MYH11: variants seen among roughly 807,000 people sequenced by gnomAD.
MYH11 encodes myosin heavy chain 11.
MYH11 carries 80 observed loss-of-function variants against 246.6 expected under a neutral mutation model. That is an observed-to-expected ratio of 0.32 (90% CI 0.27 to 0.39). The LOEUF is 0.39. Among genes scored for constraint, MYH11 ranks in the 10% least tolerant of loss-of-function variants. The pLI, the probability that MYH11 is intolerant of heterozygous loss-of-function variation, is 1.00. For missense variants in MYH11, 2,158 were observed against 2,546.8 expected, an observed-to-expected ratio of 0.85 and a Z score of 3.29; for synonymous variants, 1,071 against 1,015.5, an observed-to-expected ratio of 1.05 and a Z score of -1.04.
intron 3 of MYH11, among the ~76,000 whole-genome samples, chr16:15,820,489 AAAAGAAAG>A (rs1395123947): frequency 1.4e-4 from 20 of 144,190 alleles, no homozygotes; most frequent in African/African-American, 4.8e-4. Flanking sequence ...AAAAAAAAAA[AAAAGAAAG>A]AAAGAAAGAC....
chr16:15,810,035 G>C (rs2043102720), intron 3 of MYH11, among the ~76,000 whole-genome samples: 1 of 151,618 alleles, frequency 6.6e-6, no homozygotes, highest in Admixed American at 6.6e-5. Context: ...TTTTGTTTTT[G>C]TTTTTGTTTT....
At chr16:15,726,545 A>C in intron 28 of MYH11, 1 of 461,990 alleles carries the variant, frequency 2.2e-6, no homozygotes, top group Non-Finnish European at 4.0e-6. Flanking sequence ...TAATTTTTGT[A>C]TTTTTAGTAG....
chr16:15,851,870 G>A (rs1459910923), intron 1 of MYH11, among the ~76,000 whole-genome samples: 1 of 152,126 alleles, frequency 6.6e-6, no homozygotes, highest in East Asian at 1.9e-4. Flanking sequence ...CTGGAAGCGA[G>A]CAAGAACTGA....
At chr16:15,849,818 C>G (rs937974715) in intron 1 of MYH11, among the ~76,000 whole-genome samples, 1 of 152,130 alleles carries the variant, frequency 6.6e-6, no homozygotes, top group East Asian at 1.9e-4. Flanking sequence ...TGTCAAGTAA[C>G]GAGTCTCAGC....
intron 38 of MYH11, 86 bp from the exon 39 acceptor site, chr16:15,715,358 T>G: frequency 7.8e-7 from 1 of 1,288,926 alleles, no homozygotes; most frequent in Non-Finnish European, 1.1e-6. Context: ...GCATCTTGAG[T>G]GCTTTCCTGA....
chr16:15,745,867 A>G (rs926098982), intron 19 of MYH11, among the ~76,000 whole-genome samples: 4 of 150,906 alleles, frequency 2.7e-5, no homozygotes, highest in Non-Finnish European at 5.9e-5. Flanking sequence ...GATTACAGGT[A>G]GGAGCCACCA....
At position 15,719,284 on chromosome 16, in the gene MYH11, G is replaced by T; in HGVS notation, c.5107C>A (p.Arg1703Ser). ...QEDLAAAERARKQADLEKEEL... is the reference protein window; with the variant it reads ...QEDLAAAERASKQADLEKEEL... ...TCCTTCTCGAGGTCCGCTTGTTTGC[G>T]AGCCCTCTCAGCGGCGGCGAGGTCC... The change falls in exon 36 of 41, where the codon CGC (arginine) becomes AGC (serine). Residue 1703 changes from arginine (R) to serine (S), a missense_variant. Physicochemically the swap from Arg to Ser is moderately radical, Grantham distance 110. This residue lies in a region of MYH11 where 1,013 missense variants were observed against 993.5 expected (regional missense o/e 1.02). Coordinates refer to ENST00000300036, the MANE Select transcript of MYH11 (RefSeq NM_002474.3). The T allele has an allele frequency of 6.2e-7, 1 of 1,612,536 alleles. No individual in the cohort carries two copies. The highest frequency in any genetic ancestry group is 1.1e-5 in the South Asian group (1 of 91,056).
chr16:15,725,433 A>G, intron 28 of MYH11: 1 of 476,068 alleles, frequency 2.1e-6, no homozygotes, highest in Non-Finnish European at 3.7e-6. Context: ...ATGCTGTCCC[A>G]TCCCTTCCTT....
intron 3 of MYH11, among the ~76,000 whole-genome samples, chr16:15,817,570 T>C (rs1596892813): frequency 6.6e-6 from 1 of 152,158 alleles, no homozygotes; most frequent in African/African-American, 2.4e-5. Context: ...CATATGCAGA[T>C]ATAAGATACA....
chr16:15,784,126 T>C (rs1596831810), intron 5 of MYH11, among the ~76,000 whole-genome samples: 1 of 151,384 alleles, frequency 6.6e-6, no homozygotes, highest in Non-Finnish European at 1.5e-5. Flanking sequence ...CCTCCAAGAC[T>C]GTTTCTGGAG....
chr16:15,827,199 T>G (rs2043593910), intron 2 of MYH11, among the ~76,000 whole-genome samples: 1 of 151,920 alleles, frequency 6.6e-6, no homozygotes, highest in Admixed American at 6.6e-5. Context: ...TTAAAGAACT[T>G]AAATCAGAGG....
At chr16:15,800,463 G>T (rs2042855885) in intron 3 of MYH11, among the ~76,000 whole-genome samples, 1 of 151,756 alleles carries the variant, frequency 6.6e-6, no homozygotes, top group South Asian at 2.1e-4. Context: ...AGGGTGTGTA[G>T]ATGGGTAGAT....
chr16:15,845,017 C>T (rs1260254559), intron 1 of MYH11, among the ~76,000 whole-genome samples: 1 of 152,190 alleles, frequency 6.6e-6, no homozygotes, highest in Non-Finnish European at 1.5e-5. Flanking sequence ...CATGTAAAGA[C>T]ACCCAGACTT....
Position 15,763,848 on chromosome 16 carries a change from G to A in MYH11, c.1077C>T (p.Ile359=), listed in dbSNP as rs763238555. Residue 359 remains isoleucine, a synonymous_variant, in exon 10 of 41, where the codon ATC becomes ATT. Coordinates refer to ENST00000300036, the MANE Select transcript of MYH11 (RefSeq NM_002474.3). ...VVSSVLQLGN[I]VFKKERNTDQ... ...CTGTGTTTCTTTCCTTCTTGAAGAC[G>A]ATATTTCCAAGCTGCAGGACCGATG... The A allele has an allele frequency of 1.1e-5, 17 of 1,601,684 alleles. No individual in the cohort carries two copies. Among genetic ancestry groups the A allele is most frequent in the Middle Eastern group, 1.7e-4 (1 of 5,996 alleles).
At chr16:15,711,755 C>T (rs952082280) in intron 40 of MYH11, among the ~76,000 whole-genome samples, 6 of 151,992 alleles carry the variant, frequency 3.9e-5, no homozygotes, top group African/African-American at 7.2e-5. Context: ...TGCAGTGGTG[C>T]GATCTCAGCT....
intron 40 of MYH11, among the ~76,000 whole-genome samples, chr16:15,704,327 T>G (rs1180925653): frequency 6.6e-6 from 1 of 152,176 alleles, no homozygotes; most frequent in Non-Finnish European, 1.5e-5. Flanking sequence ...GCATGAGTGA[T>G]TGAATTTAAT....
At chr16:15,776,413 G>GT (rs2042222579) in intron 7 of MYH11, among the ~76,000 whole-genome samples, 1 of 152,132 alleles carries the variant, frequency 6.6e-6, no homozygotes, top group East Asian at 1.9e-4. Flanking sequence ...AGCATAAAAA[G>GT]GCTCCAGGAA....
intron 2 of MYH11, among the ~76,000 whole-genome samples, chr16:15,829,613 G>A (rs2043673818): frequency 6.6e-6 from 1 of 152,178 alleles, no homozygotes; most frequent in African/African-American, 2.4e-5. Context: ...CAACATCCCA[G>A]CCTCCTGTGT....
chr16:15,711,512 AGAG>A, intron 40 of MYH11, among the ~76,000 whole-genome samples: 1 of 152,196 alleles, frequency 6.6e-6, no homozygotes. Context: ...TTAAAAATAT[AGAG>A]GAGGTATGTT....
Sources: gnomAD v4.1 joint callset for allele counts (sites outside exome capture counted in the v4.1 genomes callset) on GRCh38, gnomAD v4.1.1 for gene constraint, gnomAD v4.1.1 regional missense constraint, MANE v1.5 for transcripts, NCBI Gene and HGNC (gene_info 2026-07-23, HGNC 2026-07-21) for gene names.